SURF4: variants seen among roughly 807,000 people sequenced by gnomAD.
The protein encoded by SURF4 is surfeit locus protein 4.
SURF4 carries 3 observed loss-of-function variants against 30.0 expected under a neutral mutation model. The observed-to-expected ratio is 0.10, with a 90% CI of 0.05 to 0.26. The LOEUF is 0.26. SURF4 is among the 10% of genes least tolerant of loss of function. SURF4 has a pLI of 1.00. For synonymous variants in SURF4, 143 were observed against 139.9 expected (o/e 1.02, Z -0.16); for missense variants, 217 against 350.8 (o/e 0.62, Z 3.05).
rs2130146117 is a variant in SURF4, at chr9:133,367,553, G to C, written c.49-108C>G. 87 of 1,568,056 alleles carry C rather than the reference G, an allele frequency of 5.5e-5. No individual in the cohort carries two copies. In the South Asian group the frequency reaches 9.5e-4, roughly 17 times the overall value. ...GTGTGAGGAACAGACGCTGTGGAAG[G>C]CAAGAGCTCTTGTCAGCCCCGGTGC... On this transcript the variant is annotated intron_variant, in intron 1 of 5. Transcript: ENST00000371989.
chr9:133,371,086 G>C (rs1367928682), intron 1 of SURF4: 1 of 985,290 alleles, frequency 1.0e-6, no homozygotes, highest in African/African-American at 1.7e-5. Context: ...AGTGATCACT[G>C]TCACAGCCAC....
Position 133,363,455 on chromosome 9 carries a change from C to T in SURF4, c.*38G>A. ...TCCACCCCGAACCAGTCCTTGACGG[C>T]CACGGGTCTTAGCCAGGCAGGTAGG... On this transcript the variant is annotated 3_prime_UTR_variant, in exon 6 of 6. Transcript: ENST00000371989. The surrounding 1 kb of genome is among the most constrained non-coding windows in gnomAD (Gnocchi z 4.3). 2 of 1,614,204 alleles carry T rather than the reference C, an allele frequency of 1.2e-6. No individual in the cohort carries two copies. Among genetic ancestry groups the T allele is most frequent in the Non-Finnish European group, 1.7e-6 (2 of 1,180,036 alleles).
chr9:133,367,614 C>T lies in SURF4; in HGVS notation c.49-169G>A, dbSNP rs1422232013. On this transcript the variant is annotated intron_variant, in intron 1 of 5. Transcript: ENST00000371989. Reference sequence around the variant, plus strand: ...CAGACTAGGGGGCTCTCAGTGCTTGCTCCTGAGCGCTACCCTGTGAGTCTG... The same window carrying T: ...CAGACTAGGGGGCTCTCAGTGCTTGTTCCTGAGCGCTACCCTGTGAGTCTG... The T allele has an allele frequency of 3.4e-6, 5 of 1,480,978 alleles. No individual in the cohort carries two copies. In the African/African-American group the frequency reaches 4.2e-5, roughly 12 times the overall value. 91.7% of individuals were successfully genotyped at this position (1,480,978 alleles called of 1,614,324 possible).
At chr9:133,374,722 T>G (rs2130227915) in intron 1 of SURF4, among the ~76,000 whole-genome samples, 2 of 152,266 alleles carry the variant, frequency 1.3e-5, no homozygotes, top group African/African-American at 4.8e-5. Context: ...GAACCGATGG[T>G]GAGGTCACAC....
chr9:133,362,006 T>C lies in SURF4; in HGVS notation c.*1487A>G, dbSNP rs1034690870. On this transcript the variant is annotated 3_prime_UTR_variant, in exon 6 of 6. Coordinates refer to ENST00000371989, the MANE Select transcript of SURF4 (RefSeq NM_033161.4). ...AGCCATTGCTCGATCTTACCAATAT[T>C]CGGGGGTAAGGAAGTAGGCTACCAG... The C allele has an allele frequency of 1.3e-5, 2 of 152,224 alleles. No homozygotes were observed. The highest frequency in any genetic ancestry group is 2.9e-5 in the Non-Finnish European group (2 of 68,044). 9.4% of individuals were successfully genotyped at this position (152,224 alleles called of 1,614,324 possible).
intron 1 of SURF4, among the ~76,000 whole-genome samples, chr9:133,370,384 G>T (rs1394086092): frequency 6.6e-6 from 1 of 152,154 alleles, no homozygotes; most frequent in Admixed American, 6.5e-5. Context: ...CCTACTGCTT[G>T]GCTGTCCTGG....
In SURF4 at chr9:133,372,279, G is replaced by C. The variant is rs2130195919; in HGVS notation, c.48+3643C>G. Among the ~76,000 whole-genome samples, 9 of 152,342 alleles carry C rather than the reference G, an allele frequency of 5.9e-5. No homozygotes were observed. The South Asian group carries it at 1.9e-3, about 32-fold the overall frequency. On this transcript the variant is annotated intron_variant, in intron 1 of 5. Transcript: ENST00000371989. ...AGATGCAACTGTGGGGAGCCTGCCA[G>C]CAGAAACTAACCAGACTGCTCGTCC... is the stretch of plus-strand genomic sequence containing the variant.
rs782199644 is a variant in SURF4 at position 133,363,905 on chromosome 9, G to C, written c.544-146C>G. On this transcript the variant is annotated intron_variant, in intron 5 of 5. Coordinates refer to ENST00000371989, the MANE Select transcript of SURF4 (RefSeq NM_033161.4). This position sits in a 1 kb window ranked among gnomAD's most constrained non-coding sequence, Gnocchi z 4.3. ...GCTGAGACGGCTGCTGGTGCAAGTAGGGAGATAAAAGCCAAAGGGAGGCAG... is the reference window on the plus strand; with the variant it reads ...GCTGAGACGGCTGCTGGTGCAAGTACGGAGATAAAAGCCAAAGGGAGGCAG... The C allele has an allele frequency of 2.8e-6, 3 of 1,054,912 alleles. No individual in the cohort carries two copies. The African/African-American group carries it at 4.7e-5, about 17-fold the overall frequency. The allele number at this position is 1,054,912 out of a possible 1,614,324, so 65.3% of individuals were successfully genotyped here.
intron 4 of SURF4, 99 bp downstream of exon 4, chr9:133,365,886 G>T: frequency 1.6e-6 from 2 of 1,273,512 alleles, no homozygotes; most frequent in Non-Finnish European, 2.3e-6. Context: ...TCATGTTGGT[G>T]CCCAAGATTT....
At chr9:133,373,255 G>A (rs2130204927) in intron 1 of SURF4, among the ~76,000 whole-genome samples, 1 of 152,182 alleles carries the variant, frequency 6.6e-6, no homozygotes, top group African/African-American at 2.4e-5. Flanking sequence ...GCCCCCTCAA[G>A]AGCCTTTCCA....
At chr9:133,376,297 G>A (rs1177784859), upstream of SURF4, 4 of 1,335,288 alleles carry the variant, frequency 3.0e-6, no homozygotes, top group Admixed American at 1.2e-4. Flanking sequence ...CTCCCGGCCC[G>A]GCGGAACGCG....
chr9:133,368,230 C>A (rs2130155754), intron 1 of SURF4, among the ~76,000 whole-genome samples: 1 of 152,200 alleles, frequency 6.6e-6, no homozygotes, highest in Admixed American at 6.5e-5. Flanking sequence ...CCCAGAGTAC[C>A]CTGACAGAAC....
In SURF4 at chr9:133,362,671, G is replaced by C. The variant is rs1418643445; in HGVS notation, c.*822C>G. 1 of 152,980 alleles carries C rather than the reference G, an allele frequency of 6.5e-6. No homozygotes were observed. The highest frequency in any genetic ancestry group is 1.9e-4 in the East Asian group (1 of 5,198). The allele number at this position is 152,980 out of a possible 1,614,324, so 9.5% of individuals were successfully genotyped here. A position where few individuals can be genotyped will look rare whatever the true frequency, so the allele number is the denominator to read the frequency against. On this transcript the variant is annotated 3_prime_UTR_variant, in exon 6 of 6. Coordinates refer to ENST00000371989, the MANE Select transcript of SURF4 (RefSeq NM_033161.4). ...CTCTGCAAGCTGGTCTGAGCAGCTGGCCAGGCTGGCTTGCAGGGTGCTGCT... is the reference window on the plus strand; with the variant it reads ...CTCTGCAAGCTGGTCTGAGCAGCTGCCCAGGCTGGCTTGCAGGGTGCTGCT...
At chr9:133,375,190 G>T (rs2130233814) in intron 1 of SURF4, 28 of 984,968 alleles carry the variant, frequency 2.8e-5, no homozygotes, top group African/African-American at 5.2e-5. Flanking sequence ...GCTCTCAACA[G>T]TTACCCAACC....
At chr9:133,367,670 G>A (rs2130148063) in intron 1 of SURF4, 108 of 1,262,010 alleles carry the variant, frequency 8.6e-5, no homozygotes, top group African/African-American at 7.8e-4. Context: ...GATCAGTCCC[G>A]GAGATGCATG....
intron 1 of SURF4, chr9:133,372,697 G>A (rs2130199245): frequency 9.7e-6 from 9 of 927,224 alleles, no homozygotes; most frequent in East Asian, 2.3e-4. Context: ...TCTGATCAGT[G>A]ACTTCCATGG....
At position 133,363,418 on chromosome 9, in the gene SURF4, A is replaced by G. The variant is rs1437809514; in HGVS notation, c.*75T>C. The G allele has an allele frequency of 1.2e-6, 2 of 1,612,492 alleles. No individual in the cohort carries two copies. Among genetic ancestry groups the G allele is most frequent in the Middle Eastern group, 1.7e-4 (1 of 6,060 alleles). ...GGGAAGAGGATACATAAAAGCTGGC[A>G]GTTTTGTTGAATCCACCCCGAACCA... On this transcript the variant is annotated 3_prime_UTR_variant, in exon 6 of 6. Coordinates refer to ENST00000371989, the MANE Select transcript of SURF4 (RefSeq NM_033161.4). This position sits in a 1 kb window ranked among gnomAD's most constrained non-coding sequence, Gnocchi z 4.3.
rs79976494 is a variant in SURF4 at position 133,362,432 on chromosome 9, G to T, written c.*1061C>A. ...TTTGGCTGCATTCGGCATAGCAAAC[G>T]GACAATCTGAGTGAGCGACAGCCTC... On this transcript the variant is annotated 3_prime_UTR_variant, in exon 6 of 6. Transcript: ENST00000371989. The T allele has an allele frequency of 6.5e-6, 1 of 152,674 alleles. No individual in the cohort carries two copies. Among genetic ancestry groups the T allele is most frequent in the Non-Finnish European group, 1.5e-5 (1 of 68,048 alleles). 9.5% of individuals were successfully genotyped at this position (152,674 alleles called of 1,614,324 possible).
chr9:133,375,985 C>G lies in SURF4; in HGVS notation c.-16G>C. The G allele has an allele frequency of 3.3e-6, 4 of 1,225,048 alleles. No homozygotes were observed. Among genetic ancestry groups the G allele is most frequent in the Non-Finnish European group, 4.1e-6 (4 of 980,934 alleles). The allele number at this position is 1,225,048 out of a possible 1,614,324, so 75.9% of individuals were successfully genotyped here. On this transcript the variant is annotated 5_prime_UTR_variant, in exon 1 of 6. Coordinates refer to ENST00000371989, the MANE Select transcript of SURF4 (RefSeq NM_033161.4). ...TCTGGCCCATGGCGACGGCGGGAGG[C>G]TCGGCTCGGCTCGCTCGCTCGCTCG...
Sources: gnomAD v4.1 joint callset for allele counts (sites outside exome capture counted in the v4.1 genomes callset) on GRCh38, gnomAD v4.1.1 for gene constraint, Gnocchi (gnomAD v3.1) non-coding constraint, MANE v1.5 for transcripts, NCBI Gene and HGNC (gene_info 2026-07-23, HGNC 2026-07-21) for gene names.